PRDM5: variants seen among roughly 807,000 people sequenced by gnomAD.
PRDM5 encodes PR/SET domain 5.
In PRDM5, 56 loss-of-function variants were observed where a neutral mutation model predicts 81.2. That is an observed-to-expected ratio of 0.69 (90% CI 0.56 to 0.86). The LOEUF (loss-of-function observed/expected upper bound fraction) is 0.86, where lower values mean the gene tolerates loss of function less well. PRDM5 is among the 40% of genes least tolerant of loss of function. The pLI is 0.00. For missense variants in PRDM5, 697 were observed against 770.1 expected (o/e 0.91, Z 1.12); for synonymous variants, 267 against 256.4 (o/e 1.04, Z -0.39).
intron 3 of PRDM5, among the ~76,000 whole-genome samples, chr4:120,850,522 T>C (rs558226848): frequency 2.6e-5 from 4 of 152,258 alleles, no homozygotes; most frequent in South Asian, 4.1e-4. Context: ...AAGATCCCTA[T>C]TGTAATCTAT....
At chr4:120,782,101 G>A (rs1158140823) in intron 11 of PRDM5, among the ~76,000 whole-genome samples, 1 of 151,914 alleles carries the variant, frequency 6.6e-6, no homozygotes, top group Non-Finnish European at 1.5e-5. Context: ...TAACACATGG[G>A]CCTAAGTTTT....
At chr4:120,756,073 A>C (rs114925826) in intron 13 of PRDM5, among the ~76,000 whole-genome samples, 2,766 of 152,268 alleles carry the variant, frequency 0.018, 35 homozygotes, top group Middle Eastern at 0.031. Flanking sequence ...AGAATTATTG[A>C]CCTTAGGATC....
chr4:120,888,431 T>C (rs1366793643), intron 2 of PRDM5, among the ~76,000 whole-genome samples: 1 of 152,252 alleles, frequency 6.6e-6, no homozygotes. Flanking sequence ...TTCACCCATG[T>C]TGCTAAGCAT....
At chr4:120,769,692 A>C (rs1197085758) in intron 13 of PRDM5, among the ~76,000 whole-genome samples, 1 of 152,222 alleles carries the variant, frequency 6.6e-6, no homozygotes, top group Non-Finnish European at 1.5e-5. Flanking sequence ...CCATGAGAAC[A>C]GCAAATTTTG....
At chr4:120,857,190 T>G (rs571192375) in intron 2 of PRDM5, among the ~76,000 whole-genome samples, 1 of 152,234 alleles carries the variant, frequency 6.6e-6, no homozygotes, top group Non-Finnish European at 1.5e-5. Context: ...AAACCCCATC[T>G]CTATTAAAAA....
intron 10 of PRDM5, among the ~76,000 whole-genome samples, chr4:120,795,263 T>A (rs1476664207): frequency 1.3e-5 from 2 of 152,086 alleles, no homozygotes; most frequent in Non-Finnish European, 2.9e-5. Flanking sequence ...GTTCACTACA[T>A]CTAAACATGT....
intron 3 of PRDM5, among the ~76,000 whole-genome samples, chr4:120,852,987 C>T (rs953800977): frequency 2.0e-5 from 3 of 151,926 alleles, no homozygotes; most frequent in Non-Finnish European, 2.9e-5. Flanking sequence ...CTGACTAACA[C>T]ACCACCTCCG....
At chr4:120,915,176 C>T (rs1051713816) in intron 1 of PRDM5, among the ~76,000 whole-genome samples, 9 of 152,122 alleles carry the variant, frequency 5.9e-5, no homozygotes, top group Admixed American at 5.2e-4. Context: ...CAGTTTCCAC[C>T]AAGAAGGTTA....
At chr4:120,783,406 C>T (rs1749321233) in intron 11 of PRDM5, among the ~76,000 whole-genome samples, 1 of 152,050 alleles carries the variant, frequency 6.6e-6, no homozygotes, top group Non-Finnish European at 1.5e-5. Context: ...CACATAGTCA[C>T]TTTAATCCTA....
intron 14 of PRDM5, among the ~76,000 whole-genome samples, chr4:120,721,064 G>C (rs143737704): frequency 6.6e-6 from 1 of 152,148 alleles, no homozygotes; most frequent in Non-Finnish European, 1.5e-5. Context: ...AAATGAAATG[G>C]CTGGGCAGCC....
chr4:120,804,632 A>AT (rs2149303410), intron 8 of PRDM5, among the ~76,000 whole-genome samples: 1 of 152,358 alleles, frequency 6.6e-6, no homozygotes, highest in South Asian at 2.1e-4. Context: ...GGCAGAAATA[A>AT]AGATGTTCTT....
intron 8 of PRDM5, among the ~76,000 whole-genome samples, chr4:120,803,291 T>C (rs1433015556): frequency 6.6e-6 from 1 of 152,134 alleles, no homozygotes; most frequent in African/African-American, 2.4e-5. Flanking sequence ...CTGCAGGATA[T>C]TATCCAGGAG....
intron 3 of PRDM5, among the ~76,000 whole-genome samples, chr4:120,825,636 G>T (rs562858686): frequency 6.6e-6 from 1 of 152,220 alleles, no homozygotes; most frequent in South Asian, 2.1e-4. Flanking sequence ...TAGTTTAATA[G>T]CCTCCCAGCT....
intron 2 of PRDM5, among the ~76,000 whole-genome samples, chr4:120,906,771 C>G: frequency 6.6e-6 from 1 of 152,088 alleles, no homozygotes; most frequent in Non-Finnish European, 1.5e-5. Flanking sequence ...CATTTTAAGG[C>G]GGGATTTTTG....
intron 2 of PRDM5, among the ~76,000 whole-genome samples, chr4:120,905,897 G>A (rs1031052847): frequency 6.6e-6 from 1 of 152,044 alleles, no homozygotes; most frequent in Admixed American, 6.5e-5. Context: ...AGTCAACAGT[G>A]ACTATACATA....
Position 120,816,563 on chromosome 4 carries a change from T to C in PRDM5, c.755A>G (p.His252Arg), listed in dbSNP as rs1754538570. ...SFSSASSFEQ[H>R]QETCRGDARF... ...GGCATCCCCCCGGCAAGTCTCCTGG[T>C]GCTGCTCAAAACTACAAGACAACCA... Residue 252 changes from histidine (H) to arginine (R), a missense_variant, in exon 7 of 16, where the codon CAC becomes CGC. This residue lies in a region of PRDM5 where 577 missense variants were observed against 606.7 expected (regional missense o/e 0.95). Coordinates refer to ENST00000264808, the MANE Select transcript of PRDM5 (RefSeq NM_018699.4). 3 of 1,614,114 alleles carry C rather than the reference T, an allele frequency of 1.9e-6. No individual in the cohort carries two copies. In the African/African-American group the frequency reaches 4.0e-5, roughly 22 times the overall value.
intron 10 of PRDM5, among the ~76,000 whole-genome samples, chr4:120,790,261 A>G (rs1750374134): frequency 6.6e-6 from 1 of 152,216 alleles, no homozygotes; most frequent in South Asian, 2.1e-4. Flanking sequence ...AGCGTGCTGA[A>G]CAAGTGTATT....
chr4:120,784,810 T>A (rs1292187014), intron 11 of PRDM5, among the ~76,000 whole-genome samples, 188 bp downstream of exon 11: 1 of 152,094 alleles, frequency 6.6e-6, no homozygotes, highest in Admixed American at 6.6e-5. Context: ...TTAATATTAC[T>A]GTGGAAAAAT....
intron 1 of PRDM5, among the ~76,000 whole-genome samples, chr4:120,916,386 C>CATAA (rs5861497): frequency 0.1 from 14,868 of 146,890 alleles, 843 homozygotes; most frequent in East Asian, 0.21. Flanking sequence ...GACTGTATCT[C>CATAA]ATAAATAAAT....
Sources: gnomAD v4.1 joint callset for allele counts (sites outside exome capture counted in the v4.1 genomes callset) on GRCh38, gnomAD v4.1.1 for gene constraint, gnomAD v4.1.1 regional missense constraint, MANE v1.5 for transcripts, NCBI Gene and HGNC (gene_info 2026-07-23, HGNC 2026-07-21) for gene names.